Variants in CADM2 observed in about 807,000 individuals in gnomAD.
CADM2 encodes immunoglobulin superfamily member 4D.
A neutral mutation model predicts 49.8 loss-of-function variants in CADM2; 12 were observed. That is an observed-to-expected ratio of 0.24 (90% CI 0.15 to 0.39). The LOEUF (loss-of-function observed/expected upper bound fraction) is 0.39, where lower values mean the gene tolerates loss of function less well. Ranked by LOEUF, CADM2 falls within the 10% of genes least tolerant of loss-of-function variation. The pLI, the probability that CADM2 is intolerant of heterozygous loss-of-function variation, is 1.00. For synonymous variants in CADM2, 214 were observed against 175.4 expected (o/e 1.22, Z -1.74); for missense variants, 378 against 492.3 (o/e 0.77, Z 2.20).
At position 85,158,274 on chromosome 3, in the gene CADM2, A is replaced by T. The variant is rs577052829; in HGVS notation, c.61+198606A>T. 3.3e-3 allele frequency among the ~76,000 whole-genome samples: 502 copies of T among 152,310 alleles called. 1 individual carries two copies. The highest frequency in any genetic ancestry group is 0.01 in the African/African-American group (416 of 41,568). On this transcript the variant is annotated intron_variant, in intron 1 of 9. Transcript: ENST00000383699. ...TAAACTAGTTCAACCATTGTGGAAG[A>T]CAGTGTGGCAATTCCTCAGGGATCT... is the stretch of plus-strand genomic sequence containing the variant.
chr3:85,953,349 C>A (rs916079917), intron 7 of CADM2, among the ~76,000 whole-genome samples: 2 of 150,642 alleles, frequency 1.3e-5, no homozygotes, highest in African/African-American at 4.9e-5. Flanking sequence ...AATTTTTTGC[C>A]AATAGCAATT....
chr3:85,850,158 A>G (rs1037896092), intron 3 of CADM2, among the ~76,000 whole-genome samples: 3 of 152,060 alleles, frequency 2.0e-5, no homozygotes, highest in Non-Finnish European at 4.4e-5. Context: ...GCTGGAAACT[A>G]TAGGTCCAGC....
intron 1 of CADM2, among the ~76,000 whole-genome samples, chr3:85,361,576 T>G (rs1266526906): frequency 6.6e-6 from 1 of 152,170 alleles, no homozygotes; most frequent in Non-Finnish European, 1.5e-5. Flanking sequence ...TTCAACAAAA[T>G]AGAAGCTTTT....
chr3:85,297,676 A>T (rs561233559), intron 1 of CADM2, among the ~76,000 whole-genome samples: 1 of 151,948 alleles, frequency 6.6e-6, no homozygotes, highest in Non-Finnish European at 1.5e-5. Context: ...CCTACCCTCT[A>T]ACCCCACAAT....
At chr3:85,485,496 C>A (rs2039380696) in intron 1 of CADM2, among the ~76,000 whole-genome samples, 1 of 151,934 alleles carries the variant, frequency 6.6e-6, no homozygotes, top group South Asian at 2.1e-4. Flanking sequence ...ATAACCATAT[C>A]TATAAGAATA....
chr3:86,039,827 AC>A (rs200687272), intron 8 of CADM2, among the ~76,000 whole-genome samples: 27,273 of 151,590 alleles, frequency 0.18, 2,496 homozygotes, highest in South Asian at 0.24. Flanking sequence ...ATTGGGAGGC[AC>A]CCCCCAGTAG....
chr3:85,879,933 A>G (rs538236622), intron 3 of CADM2, among the ~76,000 whole-genome samples: 1 of 152,248 alleles, frequency 6.6e-6, no homozygotes, highest in East Asian at 1.9e-4. Flanking sequence ...CACTACAATC[A>G]AGAGACAAAA....
chr3:85,061,805 A>G (rs1390813315), intron 1 of CADM2, among the ~76,000 whole-genome samples: 1 of 152,100 alleles, frequency 6.6e-6, no homozygotes, highest in Non-Finnish European at 1.5e-5. Flanking sequence ...CGATATATAC[A>G]TATATACACA....
intron 2 of CADM2, among the ~76,000 whole-genome samples, chr3:85,733,851 A>G (rs73142847): frequency 0.011 from 1,631 of 152,236 alleles, 15 homozygotes; most frequent in Middle Eastern, 0.044. Flanking sequence ...GGTTCATGTC[A>G]TTCTATTATG....
chr3:85,682,924 A>G (rs995754306), intron 1 of CADM2, among the ~76,000 whole-genome samples: 19 of 152,136 alleles, frequency 1.2e-4, no homozygotes, highest in African/African-American at 4.3e-4. Flanking sequence ...CAGAGCCTAG[A>G]AGATTTTGGT....
chr3:85,474,305 AAG>A (rs1366530671), intron 1 of CADM2, among the ~76,000 whole-genome samples: 13 of 151,886 alleles, frequency 8.6e-5, no homozygotes, highest in Non-Finnish European at 1.9e-4. Context: ...TTGGAGTCCG[AAG>A]AGAGTCTCTT....
chr3:85,472,722 T>A (rs2107612084), intron 1 of CADM2, among the ~76,000 whole-genome samples: 1 of 152,132 alleles, frequency 6.6e-6, no homozygotes, highest in African/African-American at 2.4e-5. Flanking sequence ...TGGCTCTGCA[T>A]ACGTCTTATT....
chr3:85,706,055 ATTAT>A (rs913471918), intron 1 of CADM2, among the ~76,000 whole-genome samples: 16 of 152,284 alleles, frequency 1.1e-4, no homozygotes, highest in African/African-American at 3.1e-4. Context: ...ACTTTTATAG[ATTAT>A]TTGTCATTTT....
intron 1 of CADM2, among the ~76,000 whole-genome samples, chr3:85,119,715 C>T (rs890601507): frequency 1.8e-4 from 27 of 152,156 alleles, no homozygotes; most frequent in African/African-American, 6.5e-4. Context: ...AGGTCCATCA[C>T]TTCTCTTGTA....
intron 7 of CADM2, among the ~76,000 whole-genome samples, chr3:85,944,519 G>A (rs2108565858): frequency 6.6e-6 from 1 of 152,154 alleles, no homozygotes; most frequent in South Asian, 2.1e-4. Context: ...CACAGAGTTG[G>A]AAGTAAAGCA....
chr3:85,334,732 A>G (rs2045030204), intron 1 of CADM2, among the ~76,000 whole-genome samples: 1 of 151,508 alleles, frequency 6.6e-6, no homozygotes, highest in Non-Finnish European at 1.5e-5. Flanking sequence ...AACTGTTCAA[A>G]CTTATAATAT....
intron 3 of CADM2, among the ~76,000 whole-genome samples, chr3:85,882,561 G>A (rs1577556647): frequency 1.3e-5 from 2 of 151,968 alleles, no homozygotes; most frequent in South Asian, 2.1e-4. Flanking sequence ...CTTAATTCCC[G>A]ATTCTACAGC....
chr3:85,307,084 T>C (rs1297099659), intron 1 of CADM2, among the ~76,000 whole-genome samples: 1 of 151,666 alleles, frequency 6.6e-6, no homozygotes, highest in Non-Finnish European at 1.5e-5. Flanking sequence ...TAGAAGATTT[T>C]AGTTCACGTA....
chr3:85,283,316 A>C (rs1299285324), intron 1 of CADM2, among the ~76,000 whole-genome samples: 1 of 151,818 alleles, frequency 6.6e-6, no homozygotes, highest in East Asian at 1.9e-4. Context: ...TAGAAAGTTA[A>C]AATATTGCCC....
Sources: allele counts gnomAD v4.1 joint callset (sites outside exome capture counted in the v4.1 genomes callset), GRCh38; gene constraint gnomAD v4.1.1; transcripts MANE v1.5; gene names NCBI Gene and HGNC (gene_info 2026-07-23, HGNC 2026-07-21).